The following PCDHGB1 variants were observed in gnomAD, a reference collection of about 807,000 sequenced individuals.
The protein encoded by PCDHGB1 is protocadherin gamma-B1.
A neutral mutation model predicts 56.6 loss-of-function variants in PCDHGB1; 34 were observed. The ratio of observed to expected loss-of-function variants is 0.60; its 90% CI spans 0.46 to 0.80. The LOEUF (loss-of-function observed/expected upper bound fraction) is 0.80, where lower values mean the gene tolerates loss of function less well. Ranked by LOEUF, PCDHGB1 falls within the 30% of genes least tolerant of loss-of-function variation. The pLI is 0.00. For missense variants in PCDHGB1, 1,278 were observed against 1,204.6 expected, an observed-to-expected ratio of 1.06 and a Z score of -0.90; for synonymous variants, 561 against 505.9, an observed-to-expected ratio of 1.11 and a Z score of -1.46.
intron 3 of PCDHGB1, among the ~76,000 whole-genome samples, chr5:141,507,673 G>A (rs184362608): frequency 6.6e-5 from 10 of 152,368 alleles, no homozygotes; most frequent in Admixed American, 2.6e-4. Context: ...AAATCCAGAT[G>A]TTAAAAACAG....
intron 1 of PCDHGB1, chr5:141,364,232 G>A: frequency 1.4e-6 from 2 of 1,395,048 alleles, no homozygotes; most frequent in Non-Finnish European, 1.9e-6. Context: ...AACGCTCCAC[G>A]CCCATTTTCG....
rs1561500860 is a variant in PCDHGB1 at position 141,351,649 on chromosome 5, T to C, written c.1389T>C (p.Pro463=). The part of the protein sequence containing the change: ...YVVHVSENNP[P]GASIAQVSAS... ...TCCACGTGTCTGAGAACAACCCACC[T>C]GGCGCCTCCATTGCACAAGTAAGCG... The change falls in exon 1 of 4, where the codon CCT becomes CCC. Residue 463 remains proline, a synonymous_variant. Transcript: ENST00000523390. 1 of 1,614,032 alleles carries C rather than the reference T, an allele frequency of 6.2e-7. No homozygotes were observed. The highest frequency in any genetic ancestry group is 1.3e-5 in the African/African-American group (1 of 75,070).
chr5:141,484,960 C>A, intron 1 of PCDHGB1: 1 of 577,142 alleles, frequency 1.7e-6, no homozygotes, highest in Non-Finnish European at 3.1e-6. Flanking sequence ...TTGGCTGAGC[C>A]CGGGAGCCGC....
chr5:141,428,861 T>G (rs1435613271), intron 1 of PCDHGB1: 1 of 73,058 alleles, frequency 1.4e-5, no homozygotes, highest in Non-Finnish European at 2.5e-5. Flanking sequence ...TACGGGAGAC[T>G]TTTTTTTTTT....
At position 141,477,401 on chromosome 5, in the gene PCDHGB1, G is replaced by T. The variant is rs781253466; in HGVS notation, c.2410-17406G>T. On this transcript the variant is annotated intron_variant, in intron 1 of 3. Coordinates refer to ENST00000523390, the MANE Select transcript of PCDHGB1 (RefSeq NM_018922.3). The surrounding 1 kb of genome is among the most constrained non-coding windows in gnomAD (Gnocchi z 4.9). ...GCCAGAATACAACCTCAGCATCACC[G>T]CCCGAGACGCCGGAACCCCTTCCCT... 8 of 1,613,960 alleles carry T rather than the reference G, an allele frequency of 5.0e-6. No homozygotes were observed. The highest frequency in any genetic ancestry group is 4.5e-5 in the East Asian group (2 of 44,890).
At chr5:141,414,422 G>T (rs369608304) in intron 1 of PCDHGB1, 1 of 1,613,866 alleles carries the variant, frequency 6.2e-7, no homozygotes, top group Non-Finnish European at 8.5e-7. Context: ...GCCCTTGACA[G>T]GGAACAGGTA....
intron 1 of PCDHGB1, chr5:141,364,578 G>A (rs1168883805): frequency 1.2e-6 from 2 of 1,614,212 alleles, no homozygotes. Flanking sequence ...CGAAGCGGCA[G>A]CTTGGTCACC....
chr5:141,456,285 G>T (rs2098848223), intron 1 of PCDHGB1, among the ~76,000 whole-genome samples: 1 of 152,134 alleles, frequency 6.6e-6, no homozygotes, highest in Non-Finnish European at 1.5e-5. Flanking sequence ...GCTGAAAAGG[G>T]GCGTCTAATG....
At chr5:141,450,676 G>A (rs1174388119) in intron 1 of PCDHGB1, among the ~76,000 whole-genome samples, 5 of 151,796 alleles carry the variant, frequency 3.3e-5, no homozygotes, top group African/African-American at 7.3e-5. Flanking sequence ...TAGTAGAAAC[G>A]GGGTTTTGCC....
intron 1 of PCDHGB1, chr5:141,383,459 A>G: frequency 6.2e-7 from 1 of 1,613,900 alleles, no homozygotes; most frequent in Non-Finnish European, 8.5e-7. Context: ...AGTGGAGACG[A>G]TGAAACTAAG....
chr5:141,396,790 C>G (rs2093435054), intron 1 of PCDHGB1, among the ~76,000 whole-genome samples: 2 of 152,128 alleles, frequency 1.3e-5, no homozygotes. Flanking sequence ...AGGACATTTC[C>G]TAAGGATTGT....
intron 1 of PCDHGB1, chr5:141,478,812 A>C: frequency 1.4e-6 from 2 of 1,453,554 alleles, no homozygotes; most frequent in Non-Finnish European, 1.8e-6. Context: ...TTGCTATCAC[A>C]ACTAACCAAT....
At position 141,487,748 on chromosome 5, in the gene PCDHGB1, T is replaced by C. The variant is rs1458153935; in HGVS notation, c.2410-7059T>C. On this transcript the variant is annotated intron_variant, in intron 1 of 3. Coordinates refer to ENST00000523390, the MANE Select transcript of PCDHGB1 (RefSeq NM_018922.3). The surrounding 1 kb of genome is among the most constrained non-coding windows in gnomAD (Gnocchi z 5.0). ...TGTCACCATTTTTGTAAGAGGTAAC[T>C]ATGTGGTAGACGCTGTGCTTTGTAA... 1 of 1,557,436 alleles carries C rather than the reference T, an allele frequency of 6.4e-7. No individual in the cohort carries two copies. Among genetic ancestry groups the C allele is most frequent in the Non-Finnish European group, 8.7e-7 (1 of 1,149,514 alleles).
At chr5:141,426,448 C>T (rs1289310586) in intron 1 of PCDHGB1, 4 of 307,946 alleles carry the variant, frequency 1.3e-5, no homozygotes, top group Middle Eastern at 1.2e-3. Context: ...GGAGGACATG[C>T]GGCTGCATGT....
chr5:141,405,201 T>C, intron 1 of PCDHGB1: 1 of 1,614,050 alleles, frequency 6.2e-7, no homozygotes, highest in Non-Finnish European at 8.5e-7. Context: ...CGAGCTTTCC[T>C]ACAGACCTAT....
At position 141,485,402 on chromosome 5, in the gene PCDHGB1, G is replaced by T. The variant is rs375700791; in HGVS notation, c.2410-9405G>T. ...AGAGGTGAACCAAAGACACTTCCGTGTGGATTTGGACAGCGGAGCCCTGCT... is the reference window on the plus strand; with the variant it reads ...AGAGGTGAACCAAAGACACTTCCGTTTGGATTTGGACAGCGGAGCCCTGCT... On this transcript the variant is annotated intron_variant, in intron 1 of 3. Coordinates refer to ENST00000523390, the MANE Select transcript of PCDHGB1 (RefSeq NM_018922.3). This position sits in a 1 kb window ranked among gnomAD's most constrained non-coding sequence, Gnocchi z 5.7. The T allele has an allele frequency of 6.2e-7, 1 of 1,614,194 alleles. No homozygotes were observed. Among genetic ancestry groups the T allele is most frequent in the East Asian group, 2.2e-5 (1 of 44,878 alleles).
intron 1 of PCDHGB1, chr5:141,356,858 T>A: frequency 6.2e-7 from 1 of 1,614,210 alleles, no homozygotes; most frequent in Non-Finnish European, 8.5e-7. Context: ...CTCTTTGTGC[T>A]GGACCAGAAC....
At chr5:141,494,991 G>A in intron 2 of PCDHGB1, 126 bp downstream of exon 2, 1 of 1,551,148 alleles carries the variant, frequency 6.4e-7, no homozygotes, top group Non-Finnish European at 8.7e-7. Context: ...AGATCCCAGG[G>A]AGGTCTTGGT....
At chr5:141,361,189 G>A in intron 1 of PCDHGB1, 3 of 1,613,964 alleles carry the variant, frequency 1.9e-6, no homozygotes, top group Non-Finnish European at 1.7e-6. Context: ...TGTGACTTCA[G>A]TATCTACTCC....
Sources: allele counts gnomAD v4.1 joint callset (sites outside exome capture counted in the v4.1 genomes callset), GRCh38; gene constraint gnomAD v4.1.1; non-coding constraint Gnocchi (gnomAD v3.1); transcripts MANE v1.5; gene names NCBI Gene and HGNC (gene_info 2026-07-23, HGNC 2026-07-21).